FAHD2B: variants seen among roughly 807,000 people sequenced by gnomAD.
FAHD2B encodes oxaloacetate tautomerase FAHD2B, mitochondrial.
A neutral mutation model predicts 33.7 loss-of-function variants in FAHD2B; 26 were observed. The observed-to-expected ratio is 0.77, with a 90% CI of 0.57 to 1.07. FAHD2B has a LOEUF of 1.07. FAHD2B is among the 50% of genes least tolerant of loss of function. The probability of loss-of-function intolerance (pLI) is 0.00; values close to 1 mark genes in which losing one functional copy is unlikely to be tolerated. For synonymous variants in FAHD2B, 108 were observed against 150.9 expected (o/e 0.72, Z 2.08); for missense variants, 272 against 388.1 (o/e 0.70, Z 2.51).
At position 97,084,009 on chromosome 2, in the gene FAHD2B, A is replaced by G; in HGVS notation, c.821T>C (p.Val274Ala). 1 of 1,613,798 alleles carries G rather than the reference A, an allele frequency of 6.2e-7. No homozygotes were observed. Among genetic ancestry groups the G allele is most frequent in the Non-Finnish European group, 8.5e-7 (1 of 1,179,978 alleles). ...SQFVTFYPGD[V>A]ILTGTPPGVG... ...ACCTGGGGGGGTCCCAGTTAGGATG[A>G]CATCCCCTGGGTAAAAGGTAACAAA... The change falls in exon 8 of 9, where the codon GTC becomes GCC. Residue 274 changes from valine to alanine, a missense_variant. Coordinates refer to ENST00000414820, the MANE Select transcript of FAHD2B (RefSeq NM_001320848.2).
At chr2:97,087,104 T>A (rs2032037806) in intron 4 of FAHD2B, 1 of 152,084 alleles carries the variant, frequency 6.6e-6, no homozygotes, top group Non-Finnish European at 1.5e-5. Context: ...CAGGCTGGAG[T>A]GCAGTGGTGC....
intron 1 of FAHD2B, among the ~76,000 whole-genome samples, chr2:97,092,455 C>T (rs1376935911): frequency 6.6e-6 from 1 of 152,128 alleles, no homozygotes; most frequent in Non-Finnish European, 1.5e-5. Context: ...CTAGGCCTGA[C>T]AGCCATCACT....
chr2:97,086,350 GA>G, intron 4 of FAHD2B, 152 bp from the exon 5 acceptor site: 1 of 1,130,300 alleles, frequency 8.8e-7, no homozygotes, highest in Non-Finnish European at 1.3e-6. Context: ...AATGACAAGG[GA>G]GGTGTGACTT....
intron 4 of FAHD2B, among the ~76,000 whole-genome samples, chr2:97,088,385 G>C (rs902164345): frequency 6.6e-6 from 1 of 152,028 alleles, no homozygotes. Context: ...GGTCTTTCCC[G>C]TGCTGTTCTC....
intron 1 of FAHD2B, 54 bp from the exon 2 acceptor site, chr2:97,092,042 G>C (rs1208771944): frequency 4.0e-6 from 1 of 249,652 alleles, no homozygotes; most frequent in Non-Finnish European, 7.7e-6. Flanking sequence ...CATTCTCCCT[G>C]CACAGGTCAC....
At chr2:97,094,208 T>C (rs2918937) in intron 1 of FAHD2B, among the ~76,000 whole-genome samples, 153 of 152,150 alleles carry the variant, frequency 1.0e-3, no homozygotes, top group Middle Eastern at 3.4e-3. Flanking sequence ...CCAAGAGAAC[T>C]CCAGGCCCCA....
downstream of FAHD2B, among the ~76,000 whole-genome samples, chr2:97,080,920 T>A (rs1363080822): frequency 6.6e-6 from 1 of 152,134 alleles, no homozygotes; most frequent in Non-Finnish European, 1.5e-5. Flanking sequence ...CTATAACAAT[T>A]TTTGCACATT....
chr2:97,079,963 C>A (rs1222458757), downstream of FAHD2B, among the ~76,000 whole-genome samples: 1 of 152,080 alleles, frequency 6.6e-6, no homozygotes, highest in Non-Finnish European at 1.5e-5. Context: ...CCATGCCCAG[C>A]CAAGTTTCTT....
chr2:97,087,999 C>T (rs1048977207), intron 4 of FAHD2B, among the ~76,000 whole-genome samples: 1 of 152,100 alleles, frequency 6.6e-6, no homozygotes, highest in Non-Finnish European at 1.5e-5. Context: ...TACCCTGACA[C>T]TAATCATGAA....
intron 1 of FAHD2B, among the ~76,000 whole-genome samples, chr2:97,092,915 G>A (rs191142300): frequency 7.0e-6 from 1 of 142,596 alleles, no homozygotes; most frequent in African/African-American, 2.6e-5. Flanking sequence ...AGAGGTTGTA[G>A]TGAGCCAAGA....
chr2:97,083,125 G>A (rs572489955), downstream of FAHD2B: 18 of 1,551,638 alleles, frequency 1.2e-5, no homozygotes, highest in East Asian at 2.3e-4. Context: ...CACTCATGGC[G>A]CATCTTCCAT....
At chr2:97,086,846 A>G (rs1372856955) in intron 4 of FAHD2B, 1 of 152,530 alleles carries the variant, frequency 6.6e-6, no homozygotes, top group African/African-American at 2.4e-5. Context: ...CCTTGGTCCA[A>G]GACAGACAGT....
At chr2:97,081,995 G>T, downstream of FAHD2B, 2 of 1,497,284 alleles carry the variant, frequency 1.3e-6, no homozygotes, top group South Asian at 1.2e-5. Flanking sequence ...CTCCGGGTCC[G>T]GCCAGCCTGT....
downstream of FAHD2B, chr2:97,082,650 C>T: frequency 1.9e-6 from 3 of 1,545,566 alleles, no homozygotes; most frequent in Non-Finnish European, 2.7e-6. Flanking sequence ...AGCCTGTGCC[C>T]AGTGGCTCCC....
chr2:97,081,567 A>C, downstream of FAHD2B: 1 of 1,524,744 alleles, frequency 6.6e-7, no homozygotes, highest in East Asian at 2.4e-5. Context: ...GGCCTCCTCC[A>C]GCCTCCCACC....
At chr2:97,088,350 G>A (rs1455426967) in intron 4 of FAHD2B, among the ~76,000 whole-genome samples, 1 of 152,082 alleles carries the variant, frequency 6.6e-6, no homozygotes, top group African/African-American at 2.4e-5. Flanking sequence ...GGGACCCGGT[G>A]GGAGATGACT....
intron 4 of FAHD2B, among the ~76,000 whole-genome samples, chr2:97,087,962 C>A (rs2032097261): frequency 6.6e-6 from 1 of 152,032 alleles, no homozygotes; most frequent in Admixed American, 6.6e-5. Flanking sequence ...TGTATAACAT[C>A]TTTGTAGATC....
chr2:97,086,202 T>C lies in FAHD2B; in HGVS notation c.463-4A>G, dbSNP rs763712294. 8 of 1,611,086 alleles carry C rather than the reference T, an allele frequency of 5.0e-6. No homozygotes were observed. Among genetic ancestry groups the C allele is most frequent in the African/African-American group, 1.3e-5 (1 of 74,970 alleles). ...GCTCCACTTCCCAATCTACCTCCTGTAGGGTGGGAGAGGAATAGTGAGCCG... is the reference window on the plus strand; with the variant it reads ...GCTCCACTTCCCAATCTACCTCCTGCAGGGTGGGAGAGGAATAGTGAGCCG... On this transcript the variant is annotated splice_polypyrimidine_tract_variant and splice_region_variant and intron_variant, in intron 4 of 8. Coordinates refer to ENST00000414820, the MANE Select transcript of FAHD2B (RefSeq NM_001320848.2).
downstream of FAHD2B, chr2:97,082,136 T>G: frequency 6.4e-7 from 1 of 1,565,016 alleles, no homozygotes; most frequent in Non-Finnish European, 8.7e-7. Flanking sequence ...AAGCTGCCCC[T>G]GGAGGGAGGT....
Sources: gnomAD v4.1 joint callset for allele counts (sites outside exome capture counted in the v4.1 genomes callset) on GRCh38, gnomAD v4.1.1 for gene constraint, MANE v1.5 for transcripts, NCBI Gene and HGNC (gene_info 2026-07-23, HGNC 2026-07-21) for gene names.